The following NUDT6 variants were observed in gnomAD, a reference collection of about 807,000 sequenced individuals.
NUDT6 encodes the protein FAD diphosphatase NUDT6.
NUDT6 carries 24 observed loss-of-function variants against 36.8 expected under a neutral mutation model. The observed-to-expected ratio is 0.65, with a 90% CI of 0.47 to 0.92. The LOEUF (loss-of-function observed/expected upper bound fraction) is 0.92. NUDT6 is among the 40% of genes least tolerant of loss of function. NUDT6 has a pLI of 0.00. For missense variants in NUDT6, 388 were observed against 392.8 expected (o/e 0.99, Z 0.10); for synonymous variants, 163 against 157.0 (o/e 1.04, Z -0.29).
At chr4:122,897,587 C>T (rs1727401548) in intron 4 of NUDT6, 37 bp downstream of exon 4, 1 of 1,414,554 alleles carries the variant, frequency 7.1e-7, no homozygotes, top group South Asian at 1.2e-5. Context: ...ATTTCCTCAA[C>T]ATTTTTAAGC....
At chr4:122,894,622 T>C (rs1343056085) in intron 4 of NUDT6, 2 of 151,718 alleles carry the variant, frequency 1.3e-5, no homozygotes, top group Non-Finnish European at 2.9e-5. Flanking sequence ...AGAAAAGTAA[T>C]TTTTACTCTG....
upstream of NUDT6, chr4:122,922,959 A>G (rs923777491): frequency 4.7e-5 from 32 of 686,828 alleles, no homozygotes; most frequent in African/African-American, 5.4e-4. Flanking sequence ...CAGCTGTTTC[A>G]AAGACTGCTG....
chr4:122,897,414 T>C (rs1727395739), intron 4 of NUDT6: 2 of 572,440 alleles, frequency 3.5e-6, no homozygotes, highest in South Asian at 2.1e-5. Flanking sequence ...GGTATGTTCC[T>C]AATGATATTA....
At chr4:122,906,173 T>C (rs1727613024) in intron 3 of NUDT6, among the ~76,000 whole-genome samples, 1 of 152,220 alleles carries the variant, frequency 6.6e-6, no homozygotes, top group South Asian at 2.1e-4. Context: ...CAGTTGGATC[T>C]AGGCCTGATT....
intron 3 of NUDT6, chr4:122,897,926 G>A (rs528761310): frequency 3.4e-5 from 16 of 465,874 alleles, no homozygotes; most frequent in African/African-American, 5.9e-5. Context: ...TTTGGTTAAC[G>A]TGATACATTC....
intron 3 of NUDT6, among the ~76,000 whole-genome samples, chr4:122,902,269 G>A (rs1454431076): frequency 1.4e-5 from 2 of 146,922 alleles, no homozygotes; most frequent in African/African-American, 2.4e-5. Context: ...TGTATATTGG[G>A]CATACCGAAC....
chr4:122,908,130 C>T (rs1727660902), intron 3 of NUDT6, among the ~76,000 whole-genome samples: 1 of 152,164 alleles, frequency 6.6e-6, no homozygotes, highest in Non-Finnish European at 1.5e-5. Context: ...TAAACTAAAT[C>T]CCCAGCCATG....
At chr4:122,904,576 C>A (rs1462423916) in intron 3 of NUDT6, among the ~76,000 whole-genome samples, 2 of 152,118 alleles carry the variant, frequency 1.3e-5, no homozygotes, top group African/African-American at 4.8e-5. Flanking sequence ...CCTGCCTCAG[C>A]CTTCCAAGTA....
At chr4:122,905,072 T>G (rs987374561) in intron 3 of NUDT6, among the ~76,000 whole-genome samples, 2 of 152,158 alleles carry the variant, frequency 1.3e-5, no homozygotes, top group Non-Finnish European at 2.9e-5. Context: ...CTGGCTGAAG[T>G]GGCCAGCTTT....
chr4:122,898,353 T>C (rs577172754), intron 3 of NUDT6: 1 of 152,170 alleles, frequency 6.6e-6, no homozygotes, highest in Non-Finnish European at 1.5e-5. Context: ...TTAAAAACAA[T>C]TATGAGATGA....
chr4:122,922,560 G>GCGGC lies in NUDT6; in HGVS notation c.12_13insGCCG (p.Leu5AlafsTer87), dbSNP rs776792749. On this transcript the variant is annotated frameshift_variant, in exon 1 of 5. Transcript: ENST00000304430. LOFTEE classifies it high-confidence loss of function. ...ATCGCGCGCCAGCGGCCCCAGCTCA[G>GCGGC]TGGCTGCCGCATCTCCACGCCGCTT... is the stretch of plus-strand genomic sequence containing the variant. 3.8e-6 allele frequency: 6 copies of GCGGC among 1,599,112 alleles called. No individual in the cohort carries two copies. Among genetic ancestry groups the GCGGC allele is most frequent in the East Asian group, 2.2e-5 (1 of 44,722 alleles).
intron 4 of NUDT6, chr4:122,895,727 A>G (rs1044876755): frequency 6.6e-6 from 1 of 152,068 alleles, no homozygotes; most frequent in African/African-American, 2.4e-5. Context: ...AAAAAACACT[A>G]TGGATAACAA....
intron 3 of NUDT6, among the ~76,000 whole-genome samples, chr4:122,907,144 T>G: frequency 6.6e-6 from 1 of 152,170 alleles, no homozygotes; most frequent in South Asian, 2.1e-4. Flanking sequence ...TTTCTTTCTT[T>G]TTTTTGAGAC....
intron 3 of NUDT6, among the ~76,000 whole-genome samples, chr4:122,904,655 C>G (rs1355235442): frequency 6.6e-6 from 1 of 152,128 alleles, no homozygotes; most frequent in Non-Finnish European, 1.5e-5. Flanking sequence ...GGGGTTTTAT[C>G]ATGTTGGCCA....
intron 4 of NUDT6, chr4:122,896,541 T>C (rs1344407240): frequency 1.3e-5 from 2 of 152,100 alleles, no homozygotes; most frequent in Non-Finnish European, 2.9e-5. Context: ...GTAGAACAAA[T>C]GGCCTTCTCT....
intron 3 of NUDT6, among the ~76,000 whole-genome samples, chr4:122,899,968 G>C (rs1727478244): frequency 1.3e-5 from 2 of 152,036 alleles, no homozygotes; most frequent in South Asian, 4.2e-4. Context: ...ACAAGCCAGT[G>C]CTGCGGGCAT....
chr4:122,914,893 A>G (rs775917971), intron 2 of NUDT6, among the ~76,000 whole-genome samples: 4 of 152,196 alleles, frequency 2.6e-5, no homozygotes, highest in Non-Finnish European at 5.9e-5. Flanking sequence ...GATACAATAT[A>G]ATTAATTTAC....
At chr4:122,908,847 G>C (rs904904624) in intron 3 of NUDT6, among the ~76,000 whole-genome samples, 1 of 152,044 alleles carries the variant, frequency 6.6e-6, no homozygotes, top group African/African-American at 2.4e-5. Context: ...AACTTTTAAA[G>C]GACCAACTGC....
At chr4:122,893,294 T>C in intron 4 of NUDT6, 69 bp from the exon 5 acceptor site, 1 of 1,429,972 alleles carries the variant, frequency 7.0e-7, no homozygotes, top group Middle Eastern at 1.9e-4. Flanking sequence ...TCAAAGATTT[T>C]CAGTTAAAGT....
Sources: gnomAD v4.1 joint callset for allele counts (sites outside exome capture counted in the v4.1 genomes callset) on GRCh38, gnomAD v4.1.1 for gene constraint, MANE v1.5 for transcripts, NCBI Gene and HGNC (gene_info 2026-07-23, HGNC 2026-07-21) for gene names.